CD300LD: variants seen among roughly 807,000 people sequenced by gnomAD.
CD300LD encodes the protein CMRF35-like molecule 5.
A neutral mutation model predicts 20.3 loss-of-function variants in CD300LD; 18 were observed. The observed-to-expected ratio is 0.89, with a 90% CI of 0.61 to 1.32. CD300LD has a LOEUF of 1.32. Ranked by LOEUF, CD300LD falls within the 40% of genes most tolerant of loss-of-function variation. The probability of loss-of-function intolerance (pLI) is 0.00; values close to 1 mark genes in which losing one functional copy is unlikely to be tolerated. For missense variants in CD300LD, 195 were observed against 226.6 expected (o/e 0.86, Z 0.90); for synonymous variants, 104 against 90.1 (o/e 1.15, Z -0.87).
At position 74,582,198 on chromosome 17, in the gene CD300LD, T is replaced by C. The variant is rs1471241251; in HGVS notation, c.473+20A>G. ...TGGGGCCAGGCCTGTGCGAAAGTGG[T>C]GGGACCTGGCTCCACCTACCTGGTG... On this transcript the variant is annotated intron_variant, in intron 3 of 3. Coordinates refer to ENST00000375352, the MANE Select transcript of CD300LD (RefSeq NM_001115152.2). The C allele has an allele frequency of 1.9e-6, 3 of 1,610,676 alleles. No individual in the cohort carries two copies. Among genetic ancestry groups the C allele is most frequent in the Non-Finnish European group, 2.5e-6 (3 of 1,177,630 alleles).
At chr17:74,590,234 A>T (rs2143298434) in intron 1 of CD300LD, among the ~76,000 whole-genome samples, 1 of 152,148 alleles carries the variant, frequency 6.6e-6, no homozygotes, top group African/African-American at 2.4e-5. Flanking sequence ...GCTGCCATAT[A>T]ATACATGCCT....
chr17:74,588,565 T>C lies in CD300LD; in HGVS notation c.325A>G (p.Thr109Ala), dbSNP rs180816540. Residue 109 changes from threonine (T) to alanine (A), a missense_variant, in exon 2 of 4, where the codon ACT becomes GCT. By Grantham distance (58) the Thr-to-Ala change is moderately conservative. Coordinates refer to ENST00000375352, the MANE Select transcript of CD300LD (RefSeq NM_001115152.2). ...CCAAGATCAATTCCAGGTCTCTCAG[T>C]CCCACACCAATAACTGTCAGCATCA... Reference protein sequence around the residue: ...RDDADSYWCGTERPGIDLGVK... With the variant: ...RDDADSYWCGAERPGIDLGVK... 8.8e-5 allele frequency: 142 copies of C among 1,614,106 alleles called. 1 individual carries two copies. The East Asian group carries it at 1.5e-3, about 17-fold the overall frequency.
At chr17:74,582,366 G>A in intron 2 of CD300LD, 55 bp from the exon 3 acceptor site, 1 of 1,481,824 alleles carries the variant, frequency 6.7e-7, no homozygotes, top group Admixed American at 1.8e-5. Context: ...CCCAGCTCTG[G>A]CTGTGGCCCT....
At chr17:74,581,575 C>T (rs1391047712) in intron 3 of CD300LD, among the ~76,000 whole-genome samples, 2 of 152,242 alleles carry the variant, frequency 1.3e-5, no homozygotes, top group East Asian at 3.8e-4. Flanking sequence ...CAGCTTCCCC[C>T]TTTCCCTCTA....
intron 2 of CD300LD, among the ~76,000 whole-genome samples, chr17:74,585,558 A>G (rs2030137842): frequency 6.6e-6 from 1 of 152,134 alleles, no homozygotes; most frequent in African/African-American, 2.4e-5. Context: ...AGCCCTTAGG[A>G]CCTTGCGCTT....
At chr17:74,583,058 T>A (rs1228467368) in intron 2 of CD300LD, among the ~76,000 whole-genome samples, 1 of 152,154 alleles carries the variant, frequency 6.6e-6, no homozygotes, top group Non-Finnish European at 1.5e-5. Context: ...GAACAATATG[T>A]TAAACTCTGA....
At chr17:74,580,593 G>A (rs2030012074) in intron 3 of CD300LD, among the ~76,000 whole-genome samples, 1 of 152,104 alleles carries the variant, frequency 6.6e-6, no homozygotes, top group Admixed American at 6.5e-5. Context: ...CTGGCCCTGG[G>A]GTTCCTTATG....
At chr17:74,590,544 A>G (rs1033512301) in intron 1 of CD300LD, 3 of 152,082 alleles carry the variant, frequency 2.0e-5, no homozygotes, top group Non-Finnish European at 4.4e-5. Context: ...AGCGGAAGAC[A>G]ATTTCACCAT....
At position 74,588,867 on chromosome 17, in the gene CD300LD, A is replaced by G. The variant is rs2030237192; in HGVS notation, c.41-18T>C. 8 of 1,581,396 alleles carry G rather than the reference A, an allele frequency of 5.1e-6. No homozygotes were observed. In the South Asian group the frequency reaches 5.7e-5, roughly 11 times the overall value. On this transcript the variant is annotated intron_variant, in intron 1 of 3. Transcript: ENST00000375352. ...GGAGTAACCTGGAAAACGCAAATTC[A>G]TGTGTCGTCACCTCCCACCCCAAGG...
intron 2 of CD300LD, among the ~76,000 whole-genome samples, chr17:74,585,939 T>G (rs893544589): frequency 6.6e-6 from 1 of 152,210 alleles, no homozygotes; most frequent in African/African-American, 2.4e-5. Context: ...TCCCAGACAC[T>G]GCTTATAAGC....
intron 2 of CD300LD, among the ~76,000 whole-genome samples, chr17:74,586,341 A>G (rs540014678): frequency 6.6e-6 from 1 of 152,308 alleles, no homozygotes; most frequent in East Asian, 1.9e-4. Context: ...TAATTGTGGA[A>G]AAATCGGACA....
rs2030110968 is a variant in CD300LD, at chr17:74,584,480, G to A, written c.380-2169C>T. Among the ~76,000 whole-genome samples, 3 of 152,272 alleles carry A rather than the reference G, an allele frequency of 2.0e-5. 1 individual carries two copies. Among genetic ancestry groups the A allele is most frequent in the Admixed American group, 2.0e-4 (3 of 15,300 alleles). The stretch of plus-strand genomic sequence containing the variant: ...AGGATGTTGGAAAACTGGCAACGGT[G>A]TCTGCTGCCCGAAGGGGTGCTGAGG... On this transcript the variant is annotated intron_variant, in intron 2 of 3. Coordinates refer to ENST00000375352, the MANE Select transcript of CD300LD (RefSeq NM_001115152.2).
chr17:74,580,794 G>T, intron 3 of CD300LD, among the ~76,000 whole-genome samples: 1 of 152,036 alleles, frequency 6.6e-6, no homozygotes, highest in Non-Finnish European at 1.5e-5. Flanking sequence ...GGCCAGGCGT[G>T]GTGGTTCGCA....
intron 2 of CD300LD, among the ~76,000 whole-genome samples, chr17:74,588,007 G>T (rs2030206919): frequency 6.6e-6 from 1 of 152,130 alleles, no homozygotes; most frequent in Non-Finnish European, 1.5e-5. Flanking sequence ...AGAATATCTG[G>T]AATTGAGTCA....
intron 1 of CD300LD, chr17:74,590,870 G>C (rs887589256): frequency 6.6e-5 from 10 of 152,114 alleles, no homozygotes; most frequent in African/African-American, 2.2e-4. Context: ...GTGAGCCCTG[G>C]AGCTTGAGAG....
intron 3 of CD300LD, among the ~76,000 whole-genome samples, chr17:74,580,561 C>A (rs1410512372): frequency 6.6e-6 from 1 of 152,184 alleles, no homozygotes; most frequent in Admixed American, 6.5e-5. Flanking sequence ...CTTGCTCTGA[C>A]CCTCTTCCTG....
chr17:74,587,129 A>C (rs2030181800), intron 2 of CD300LD, among the ~76,000 whole-genome samples: 1 of 151,670 alleles, frequency 6.6e-6, no homozygotes, highest in African/African-American at 2.4e-5. Context: ...AGCCCAGGCA[A>C]CAAGAGCGAA....
intron 2 of CD300LD, 130 bp downstream of exon 2, chr17:74,588,381 A>T (rs539528973): frequency 1.6e-6 from 1 of 619,812 alleles, no homozygotes; most frequent in Non-Finnish European, 2.9e-6. Flanking sequence ...AAACCATAGC[A>T]AGACCTCAGG....
At position 74,588,518 on chromosome 17, in the gene CD300LD, A is replaced by C; in HGVS notation, c.372T>G (p.Ile124Met). The change falls in exon 2 of 4, where the codon ATT (isoleucine) becomes ATG (methionine). Residue 124 changes from isoleucine (I) to methionine (M), a missense_variant. By Grantham distance (10) the Ile-to-Met change is conservative. Coordinates refer to ENST00000375352, the MANE Select transcript of CD300LD (RefSeq NM_001115152.2). ...ATATACACTCCCTCTTACCTGGGTT[A>C]ATGGTCACTTGAACTTTGACCCCAA... Reference protein sequence around the residue: ...IDLGVKVQVTINPGTQTAVSE... With the variant: ...IDLGVKVQVTMNPGTQTAVSE... 6.2e-7 allele frequency: 1 copy of C among 1,606,268 alleles called. No homozygotes were observed. Among genetic ancestry groups the C allele is most frequent in the Non-Finnish European group, 8.5e-7 (1 of 1,174,482 alleles).
Sources: gnomAD v4.1 joint callset for allele counts (sites outside exome capture counted in the v4.1 genomes callset) on GRCh38, gnomAD v4.1.1 for gene constraint, MANE v1.5 for transcripts, NCBI Gene and HGNC (gene_info 2026-07-23, HGNC 2026-07-21) for gene names.